EXOC6: variants seen among roughly 807,000 people sequenced by gnomAD.
EXOC6 encodes SEC15-like 1.
A neutral mutation model predicts 112.5 loss-of-function variants in EXOC6; 60 were observed. The observed-to-expected ratio is 0.53, with a 90% CI of 0.43 to 0.66. The LOEUF is 0.66. Ranked by LOEUF, EXOC6 falls within the 30% of genes least tolerant of loss-of-function variation. The pLI, the probability that EXOC6 is intolerant of heterozygous loss-of-function variation, is 0.00. For missense variants in EXOC6, 855 were observed against 957.1 expected (o/e 0.89, Z 1.41); for synonymous variants, 295 against 308.0 (o/e 0.96, Z 0.44).
intron 20 of EXOC6, among the ~76,000 whole-genome samples, chr10:93,037,444 A>AT (rs397846785): frequency 0.49 from 72,408 of 146,678 alleles, 18,824 homozygotes; most frequent in East Asian, 0.79. Context: ...ATTATTCTCC[A>AT]TTTTTTTTTT....
chr10:93,058,411 A>G lies in EXOC6; in HGVS notation c.*56A>G. 6.7e-7 allele frequency: 1 copy of G among 1,488,196 alleles called. No individual in the cohort carries two copies. The highest frequency in any genetic ancestry group is 9.0e-7 in the Non-Finnish European group (1 of 1,111,500). The allele number at this position is 1,488,196 out of a possible 1,614,324, so 92.2% of individuals were successfully genotyped here. ...AATCCATGATTCAATGTTGATCTTG[A>G]GCAAGTATTGGTCATGATACAGTAA... On this transcript the variant is annotated 3_prime_UTR_variant, in exon 22 of 22. Transcript: ENST00000260762.
intron 17 of EXOC6, among the ~76,000 whole-genome samples, chr10:92,961,416 T>C (rs901412118): frequency 6.6e-6 from 1 of 152,168 alleles, no homozygotes; most frequent in Non-Finnish European, 1.5e-5. Flanking sequence ...GTTTTATGCT[T>C]ACAGCTGATT....
intron 1 of EXOC6, among the ~76,000 whole-genome samples, chr10:92,829,517 C>A (rs1464228786): frequency 6.6e-6 from 1 of 152,238 alleles, no homozygotes; most frequent in African/African-American, 2.4e-5. Flanking sequence ...CACCACTTCA[C>A]TACCTTCTGG....
upstream of EXOC6, among the ~76,000 whole-genome samples, chr10:92,831,530 T>C (rs1589661794): frequency 1.3e-5 from 2 of 151,940 alleles, no homozygotes; most frequent in East Asian, 1.9e-4. Flanking sequence ...ACCTGCCGGG[T>C]TCAAGCAATT....
intron 6 of EXOC6, 62 bp downstream of exon 6, chr10:92,909,693 A>C (rs1850633464): frequency 1.0e-6 from 1 of 996,212 alleles, no homozygotes; most frequent in Admixed American, 2.5e-5. Context: ...GAAAATATCC[A>C]AGGTTTACTT....
At chr10:92,966,030 A>G (rs1409044132) in intron 17 of EXOC6, among the ~76,000 whole-genome samples, 1 of 151,950 alleles carries the variant, frequency 6.6e-6, no homozygotes, top group Non-Finnish European at 1.5e-5. Context: ...AATATTAGGT[A>G]CCCTTCCCCG....
intron 14 of EXOC6, among the ~76,000 whole-genome samples, 178 bp downstream of exon 14, chr10:92,948,557 C>T (rs1853178421): frequency 7.3e-6 from 1 of 136,386 alleles, no homozygotes; most frequent in African/African-American, 2.8e-5. Flanking sequence ...TATGTTATTA[C>T]TACTACTACT....
intron 20 of EXOC6, among the ~76,000 whole-genome samples, chr10:93,038,040 C>CAAAAA (rs1156726278): frequency 1.5e-4 from 4 of 26,568 alleles, no homozygotes; most frequent in Non-Finnish European, 2.7e-4. Context: ...ACTCCGTCTC[C>CAAAAA]AAAAAAAAAA....
intron 18 of EXOC6, among the ~76,000 whole-genome samples, chr10:92,979,074 T>G (rs1028042974): frequency 1.3e-5 from 2 of 152,234 alleles, no homozygotes; most frequent in Non-Finnish European, 2.9e-5. Context: ...GTTACCTGAT[T>G]GAACCTTTTA....
intron 20 of EXOC6, among the ~76,000 whole-genome samples, chr10:93,044,937 A>G (rs951416741): frequency 1.3e-5 from 2 of 152,062 alleles, no homozygotes; most frequent in African/African-American, 4.8e-5. Context: ...CAGTGGTGCA[A>G]TCTCGGCTCA....
chr10:92,943,555 T>A (rs916687337), intron 13 of EXOC6, among the ~76,000 whole-genome samples: 5 of 152,200 alleles, frequency 3.3e-5, no homozygotes, highest in African/African-American at 1.2e-4. Flanking sequence ...CCTGTTTTAT[T>A]TTTGTATTAT....
chr10:93,012,164 T>C (rs1272378437), intron 19 of EXOC6, among the ~76,000 whole-genome samples: 1 of 152,192 alleles, frequency 6.6e-6, no homozygotes, highest in Non-Finnish European at 1.5e-5. Context: ...GAGAGGCCCT[T>C]ACTTAGGTTG....
intron 1 of EXOC6, among the ~76,000 whole-genome samples, chr10:92,889,776 G>C (rs1203722446): frequency 6.6e-6 from 1 of 151,472 alleles, no homozygotes; most frequent in African/African-American, 2.4e-5. Context: ...CAGAGTGGGG[G>C]TTGCGCTCTG....
intron 6 of EXOC6, among the ~76,000 whole-genome samples, chr10:92,912,524 A>G (rs1166122815): frequency 6.6e-6 from 1 of 152,098 alleles, no homozygotes; most frequent in Non-Finnish European, 1.5e-5. Flanking sequence ...ATGAGGTGAG[A>G]TGGTCACATG....
intron 20 of EXOC6, among the ~76,000 whole-genome samples, chr10:93,046,826 G>T (rs567316408): frequency 2.2e-4 from 33 of 152,194 alleles, no homozygotes; most frequent in African/African-American, 7.2e-4. Flanking sequence ...TTGAACTCCT[G>T]ACCTCAGGTG....
At chr10:93,048,033 A>C (rs1440704124) in intron 20 of EXOC6, among the ~76,000 whole-genome samples, 4 of 152,178 alleles carry the variant, frequency 2.6e-5, no homozygotes, top group African/African-American at 9.7e-5. Context: ...AATTAGGTAA[A>C]GTACTGCTAG....
chr10:92,983,561 C>T (rs1197514808), intron 18 of EXOC6, among the ~76,000 whole-genome samples: 2 of 143,950 alleles, frequency 1.4e-5, no homozygotes, highest in African/African-American at 2.6e-5. Context: ...AGTGCATTGG[C>T]GTGAGGGATC....
At chr10:92,952,199 A>T in intron 14 of EXOC6, 74 bp from the exon 15 acceptor site, 1 of 880,714 alleles carries the variant, frequency 1.1e-6, no homozygotes, top group South Asian at 1.6e-5. Flanking sequence ...AATCAATTTA[A>T]TTTTACATTT....
chr10:92,877,601 CT>C (rs749644446), intron 1 of EXOC6, among the ~76,000 whole-genome samples: 5 of 151,900 alleles, frequency 3.3e-5, no homozygotes, highest in Non-Finnish European at 7.4e-5. Context: ...TGGGAATTGC[CT>C]TTTTCAACTT....
Sources: allele counts gnomAD v4.1 joint callset (sites outside exome capture counted in the v4.1 genomes callset), GRCh38; gene constraint gnomAD v4.1.1; transcripts MANE v1.5; gene names NCBI Gene and HGNC (gene_info 2026-07-23, HGNC 2026-07-21).